The following SUGT1 variants were observed in gnomAD, a reference collection of about 807,000 sequenced individuals.
SUGT1 encodes protein SGT1 homolog.
A neutral mutation model predicts 56.1 loss-of-function variants in SUGT1; 15 were observed. The ratio of observed to expected loss-of-function variants is 0.27; its 90% confidence interval spans 0.18 to 0.41. The LOEUF is 0.41. Ranked by LOEUF, SUGT1 falls within the 10% of genes least tolerant of loss-of-function variation. The pLI is 1.00. For missense variants in SUGT1, 347 were observed against 382.2 expected (o/e 0.91, Z 0.77); for synonymous variants, 123 against 128.6 (o/e 0.96, Z 0.30).
In SUGT1 at chr13:52,697,899, G is replaced by A. The variant is rs1963982497; in HGVS notation, c.*10064G>A. The A allele has an allele frequency of 6.6e-6, 1 of 152,216 alleles. No homozygotes were observed. Among genetic ancestry groups the A allele is most frequent in the South Asian group, 2.1e-4 (1 of 4,834 alleles). 9.4% of individuals were successfully genotyped at this position (152,216 alleles called of 1,614,324 possible). A position where few individuals can be genotyped will look rare whatever the true frequency, so the allele number is the denominator to read the frequency against. On this transcript the variant is annotated 3_prime_UTR_variant, in exon 13 of 13. Transcript: ENST00000310528. ...CCTTCATGGAGCTTAGCTTGTGGTG[G>A]TGGAAAGAAGCCCTCAGCCTGAATA...
intron 7 of SUGT1, among the ~76,000 whole-genome samples, 164 bp from the exon 8 acceptor site, chr13:52,663,871 T>TA (rs1962567766): frequency 6.6e-6 from 1 of 152,204 alleles, no homozygotes; most frequent in Non-Finnish European, 1.5e-5. Context: ...ATTTAACAAT[T>TA]ACAGTTACTA....
intron 5 of SUGT1, 33 bp downstream of exon 5, chr13:52,659,282 A>G: frequency 7.6e-7 from 1 of 1,312,674 alleles, no homozygotes; most frequent in Non-Finnish European, 1.0e-6. Flanking sequence ...TAATAAACTT[A>G]TCTATTTCTG....
intron 8 of SUGT1, among the ~76,000 whole-genome samples, 161 bp from the exon 9 acceptor site, chr13:52,665,476 A>T (rs1354187479): frequency 6.8e-6 from 1 of 148,066 alleles, no homozygotes; most frequent in Non-Finnish European, 1.5e-5. Flanking sequence ...TACAGAGCAT[A>T]AAAAACTAGT....
At chr13:52,679,602 A>G (rs1963287943) in intron 11 of SUGT1, among the ~76,000 whole-genome samples, 2 of 152,300 alleles carry the variant, frequency 1.3e-5, no homozygotes, top group South Asian at 4.1e-4. Flanking sequence ...TCATTTTTAG[A>G]ATTGTTCGTA....
intron 2 of SUGT1, among the ~76,000 whole-genome samples, chr13:52,654,902 T>C (rs749644333): frequency 9.2e-5 from 14 of 152,258 alleles, no homozygotes; most frequent in Non-Finnish European, 4.4e-5. Context: ...GTGAATACTC[T>C]TGTACATGTA....
chr13:52,654,072 C>T (rs1254162872), intron 2 of SUGT1, among the ~76,000 whole-genome samples: 2 of 152,148 alleles, frequency 1.3e-5, no homozygotes, highest in African/African-American at 4.8e-5. Context: ...ATGAAGTTGG[C>T]CTGTATGTGA....
At chr13:52,667,826 C>G (rs942700381) in intron 10 of SUGT1, among the ~76,000 whole-genome samples, 3 of 152,080 alleles carry the variant, frequency 2.0e-5, no homozygotes, top group Non-Finnish European at 4.4e-5. Flanking sequence ...CACAAAATGA[C>G]TATAAGACTG....
intron 10 of SUGT1, among the ~76,000 whole-genome samples, chr13:52,670,578 G>GGTC (rs1354662711): frequency 1.3e-5 from 2 of 152,128 alleles, no homozygotes; most frequent in Non-Finnish European, 1.5e-5. Context: ...AGGCCAAGGC[G>GGTC]GTCGGATCAC....
Position 52,692,339 on chromosome 13 carries a change from G to A in SUGT1, c.*4504G>A, listed in dbSNP as rs1963805191. On this transcript the variant is annotated 3_prime_UTR_variant, in exon 13 of 13. Transcript: ENST00000310528. ...TCATCAGGTTAATAAGCTAGATGTG[G>A]AATGAATGATTTTTATTACCAAATC... is the stretch of plus-strand genomic sequence containing the variant. 6.6e-6 allele frequency: 1 copy of A among 152,028 alleles called. No homozygotes were observed. Among genetic ancestry groups the A allele is most frequent in the African/African-American group, 2.4e-5 (1 of 41,354 alleles). 9.4% of individuals were successfully genotyped at this position (152,028 alleles called of 1,614,324 possible). A position where few individuals can be genotyped will look rare whatever the true frequency, so the allele number is the denominator to read the frequency against.
chr13:52,664,596 C>G (rs1380550366), intron 8 of SUGT1, among the ~76,000 whole-genome samples: 1 of 152,152 alleles, frequency 6.6e-6, no homozygotes, highest in Admixed American at 6.5e-5. Flanking sequence ...AGCTTTGCAT[C>G]CTTACTGAAT....
At chr13:52,684,920 T>C (rs1427920053) in intron 12 of SUGT1, among the ~76,000 whole-genome samples, 1 of 151,618 alleles carries the variant, frequency 6.6e-6, no homozygotes, top group Non-Finnish European at 1.5e-5. Flanking sequence ...TTTTTTTTTT[T>C]TCCTTGTTTG....
intron 11 of SUGT1, 53 bp from the exon 12 acceptor site, chr13:52,679,921 C>T (rs750786445): frequency 6.0e-5 from 90 of 1,508,740 alleles, no homozygotes; most frequent in African/African-American, 7.2e-5. Context: ...TACATATTCT[C>T]GACATAATTG....
At position 52,662,649 on chromosome 13, in the gene SUGT1, G is replaced by T. The variant is rs749439044; in HGVS notation, c.329G>T (p.Ser110Ile). Residue 110 changes from serine (S) to isoleucine (I), a missense_variant and splice_region_variant, in exon 6 of 13, where the codon AGT becomes ATT. Coordinates refer to ENST00000310528, the MANE Select transcript of SUGT1 (RefSeq NM_006704.5). Reference sequence around the variant, plus strand: ...GTTATAGTCAGTTTTTTCTTTCTAGGTGCAGATGCTAATTTCAGTGTCTGG... The same window carrying T: ...GTTATAGTCAGTTTTTTCTTTCTAGTTGCAGATGCTAATTTCAGTGTCTGG... ...ETFTEGQKLDSADANFSVWIK... is the reference protein window; with the variant it reads ...ETFTEGQKLDIADANFSVWIK... The T allele has an allele frequency of 6.2e-7, 1 of 1,613,704 alleles. No homozygotes were observed. Among genetic ancestry groups the T allele is most frequent in the Admixed American group, 1.7e-5 (1 of 60,000 alleles).
intron 5 of SUGT1, among the ~76,000 whole-genome samples, chr13:52,661,952 C>T (rs1466554099): frequency 1.3e-5 from 2 of 152,144 alleles, no homozygotes; most frequent in African/African-American, 2.4e-5. Context: ...ACTTTTAATA[C>T]TTTTAACATA....
chr13:52,676,017 ATATATAGTG>A (rs1156773320), intron 10 of SUGT1, among the ~76,000 whole-genome samples: 1 of 152,166 alleles, frequency 6.6e-6, no homozygotes, highest in Non-Finnish European at 1.5e-5. Context: ...ATTATAGCTT[ATATATAGTG>A]TGTATGTTGT....
rs60107053 is a variant in SUGT1 at position 52,696,914 on chromosome 13, C to CTTTTTTTTTTTTT, written c.*9087_*9099dup. The CTTTTTTTTTTTTT allele has an allele frequency of 9.2e-6, 1 of 108,756 alleles. No homozygotes were observed. The highest frequency in any genetic ancestry group is 1.9e-5 in the Non-Finnish European group (1 of 53,354). 6.7% of individuals were successfully genotyped at this position (108,756 alleles called of 1,614,324 possible). A position where few individuals can be genotyped will look rare whatever the true frequency, so the allele number is the denominator to read the frequency against. On this transcript the variant is annotated 3_prime_UTR_variant, in exon 13 of 13. Coordinates refer to ENST00000310528, the MANE Select transcript of SUGT1 (RefSeq NM_006704.5). ...TCAAAACCAGTGTGATATCCAAGTA[C>CTTTTTTTTTTTTT]TTTTTTTTTTTTTTTTTTTTGCTAT...
intron 5 of SUGT1, among the ~76,000 whole-genome samples, chr13:52,661,264 A>C (rs1016676480): frequency 1.3e-5 from 2 of 152,030 alleles, no homozygotes; most frequent in African/African-American, 2.4e-5. Context: ...AAATCCAGGA[A>C]ACTTTTTTTG....
At chr13:52,655,772 A>G (rs1962137025) in intron 2 of SUGT1, among the ~76,000 whole-genome samples, 2 of 152,196 alleles carry the variant, frequency 1.3e-5, no homozygotes, top group African/African-American at 4.8e-5. Context: ...GATTGTGAAT[A>G]TTTGTATATG....
intron 4 of SUGT1, 111 bp downstream of exon 4, chr13:52,658,579 A>C: frequency 1.0e-6 from 1 of 959,066 alleles, no homozygotes; most frequent in Non-Finnish European, 1.5e-6. Flanking sequence ...GTATTTATAC[A>C]TTATATAGCA....
Sources: allele counts gnomAD v4.1 joint callset (sites outside exome capture counted in the v4.1 genomes callset), GRCh38; gene constraint gnomAD v4.1.1; transcripts MANE v1.5; gene names NCBI Gene and HGNC (gene_info 2026-07-23, HGNC 2026-07-21).